Variants in TTC21A observed in about 807,000 individuals in gnomAD.
TTC21A encodes tetratricopeptide repeat protein 21A.
In TTC21A, 128 loss-of-function variants were observed where a neutral mutation model predicts 156.4. The ratio of observed to expected loss-of-function variants is 0.82; its 90% CI spans 0.71 to 0.95. TTC21A has a LOEUF of 0.95. TTC21A is among the 40% of genes least tolerant of loss of function. The pLI, the probability that TTC21A is intolerant of heterozygous loss-of-function variation, is 0.00. For synonymous variants in TTC21A, 587 were observed against 617.1 expected, an observed-to-expected ratio of 0.95 and a Z score of 0.72; for missense variants, 1,435 against 1,602.3, an observed-to-expected ratio of 0.90 and a Z score of 1.78.
chr3:39,107,922 A>C (rs894702341), intron 1 of TTC21A, 58 bp downstream of exon 1: 7 of 1,601,124 alleles, frequency 4.4e-6, no homozygotes, highest in Non-Finnish European at 6.0e-6. Context: ...CCTGACCCAG[A>C]GACCGTCTGC....
intron 12 of TTC21A, among the ~76,000 whole-genome samples, chr3:39,127,028 C>T (rs1361177209): frequency 6.6e-6 from 1 of 152,144 alleles, no homozygotes; most frequent in Non-Finnish European, 1.5e-5. Context: ...CCAGAAAGAA[C>T]TTGTGGAGAA....
rs758705187 is a variant in TTC21A at position 39,130,694 on chromosome 3, C to T, written c.2320-7C>T. On this transcript the variant is annotated splice_polypyrimidine_tract_variant and splice_region_variant and intron_variant, in intron 17 of 28. Coordinates refer to ENST00000683103, the MANE Select transcript of TTC21A (RefSeq NM_001366900.1). This position sits in a 1 kb window ranked among gnomAD's most constrained non-coding sequence, Gnocchi z 4.5. ...GCCAGAGGCTAATATTTACTGTTTGCACTAAGGCAATTGAGTATTATGAGG... is the reference window on the plus strand; with the variant it reads ...GCCAGAGGCTAATATTTACTGTTTGTACTAAGGCAATTGAGTATTATGAGG... 3 of 1,614,026 alleles carry T rather than the reference C, an allele frequency of 1.9e-6. No homozygotes were observed. Among genetic ancestry groups the T allele is most frequent in the Non-Finnish European group, 2.5e-6 (3 of 1,179,966 alleles).
intron 5 of TTC21A, among the ~76,000 whole-genome samples, 184 bp from the exon 6 acceptor site, chr3:39,114,401 C>A (rs977423763): frequency 6.6e-6 from 1 of 152,164 alleles, no homozygotes; most frequent in East Asian, 1.9e-4. Flanking sequence ...CTGTTGTAAA[C>A]CTGGATATGT....
chr3:39,111,126 A>C, intron 4 of TTC21A, 109 bp downstream of exon 4: 1 of 1,249,000 alleles, frequency 8.0e-7, no homozygotes, highest in Non-Finnish European at 1.1e-6. Context: ...GGAGAGCCAC[A>C]CCCAGGCACT....
Position 39,109,223 on chromosome 3 carries a change from T to C in TTC21A, c.157+9T>C. 1 of 1,609,346 alleles carries C rather than the reference T, an allele frequency of 6.2e-7. No individual in the cohort carries two copies. Among genetic ancestry groups the C allele is most frequent in the Non-Finnish European group, 8.5e-7 (1 of 1,176,000 alleles). On this transcript the variant is annotated intron_variant, in intron 2 of 28. Transcript: ENST00000683103. Reference sequence around the variant, plus strand: ...TGGAGTCCTCAAAGAAGGTAAGGACTTGGCAGTGTTGGTCTTGTGACCCCA... The same window carrying C: ...TGGAGTCCTCAAAGAAGGTAAGGACCTGGCAGTGTTGGTCTTGTGACCCCA...
chr3:39,113,297 C>T (rs1431542119), intron 5 of TTC21A, among the ~76,000 whole-genome samples: 2 of 152,182 alleles, frequency 1.3e-5, no homozygotes, highest in African/African-American at 2.4e-5. Flanking sequence ...TTCTGGCTGG[C>T]AGAAAGCAAT....
Position 39,107,774 on chromosome 3 carries a change from G to C in TTC21A, c.-64G>C, listed in dbSNP as rs924164900. 1.9e-6 allele frequency: 3 copies of C among 1,608,278 alleles called. No individual in the cohort carries two copies. Among genetic ancestry groups the C allele is most frequent in the Admixed American group, 1.7e-5 (1 of 59,996 alleles). ...GCCGCGATAGAGTGCCCACGACCCTGCCTCGGGAATCCCGCTCTGCACCGC... is the reference window on the plus strand; with the variant it reads ...GCCGCGATAGAGTGCCCACGACCCTCCCTCGGGAATCCCGCTCTGCACCGC... On this transcript the variant is annotated 5_prime_UTR_variant, in exon 1 of 29. Transcript: ENST00000683103.
chr3:39,111,543 T>A (rs1294023874), intron 4 of TTC21A, among the ~76,000 whole-genome samples: 1 of 152,198 alleles, frequency 6.6e-6, no homozygotes, highest in Non-Finnish European at 1.5e-5. Flanking sequence ...GCCCATATAC[T>A]GTATATCTGC....
chr3:39,130,894 C>G lies in TTC21A; in HGVS notation c.2458+55C>G, dbSNP rs1450156567. 11 of 1,610,498 alleles carry G rather than the reference C, an allele frequency of 6.8e-6. No homozygotes were observed. The highest frequency in any genetic ancestry group is 1.3e-5 in the African/African-American group (1 of 74,984). The stretch of plus-strand genomic sequence containing the variant: ...ATTTGGAGCAGACATACTCCTCCCC[C>G]ATTCCCCATTAGCTGAAGTCCTGAT... On this transcript the variant is annotated intron_variant, in intron 18 of 28. Transcript: ENST00000683103. The surrounding 1 kb of genome is among the most constrained non-coding windows in gnomAD (Gnocchi z 4.5).
At chr3:39,122,329 A>G (rs934454317) in intron 9 of TTC21A, among the ~76,000 whole-genome samples, 5 of 152,244 alleles carry the variant, frequency 3.3e-5, no homozygotes, top group East Asian at 3.9e-4. Context: ...AAAGAAAAAA[A>G]AAAAAAAGAG....
chr3:39,126,371 T>G lies in TTC21A; in HGVS notation c.1503T>G (p.Ala501=), dbSNP rs1307795936. 2.5e-6 allele frequency: 4 copies of G among 1,614,002 alleles called. No homozygotes were observed. In the South Asian group the frequency reaches 4.4e-5, roughly 18 times the overall value. ...PALIDPLYLM[A]QVRYYSGELE... ...TGATCGACCCCCTGTATTTGATGGC[T>G]CAGGTCAGGTATTACTCAGGTGAGC... The change falls in exon 12 of 29, where the codon GCT becomes GCG. Residue 501 remains alanine (A), a synonymous_variant. Coordinates refer to ENST00000683103, the MANE Select transcript of TTC21A (RefSeq NM_001366900.1).
Position 39,128,714 on chromosome 3 carries a change from T to G in TTC21A, c.1681-3T>G, listed in dbSNP as rs765499527. On this transcript the variant is annotated splice_region_variant and splice_polypyrimidine_tract_variant and intron_variant, in intron 13 of 28. Coordinates refer to ENST00000683103, the MANE Select transcript of TTC21A (RefSeq NM_001366900.1). ...GCCCCACACTCTGCTGTGCTCCTCCTAGGTCCGAGATCACCCCCTCTACCA... is the reference window on the plus strand; with the variant it reads ...GCCCCACACTCTGCTGTGCTCCTCCGAGGTCCGAGATCACCCCCTCTACCA... 9.3e-6 allele frequency: 15 copies of G among 1,613,716 alleles called. No individual in the cohort carries two copies. Among genetic ancestry groups the G allele is most frequent in the Non-Finnish European group, 1.3e-5 (15 of 1,179,900 alleles).
chr3:39,136,091 T>A, intron 22 of TTC21A: 1 of 254,604 alleles, frequency 3.9e-6, no homozygotes, highest in Non-Finnish European at 7.5e-6. Context: ...ACCTACCTAA[T>A]CTTGCAGTTA....
Position 39,130,668 on chromosome 3 carries a change from G to A in TTC21A, c.2320-33G>A, listed in dbSNP as rs1436101609. On this transcript the variant is annotated intron_variant, in intron 17 of 28. Transcript: ENST00000683103. The surrounding 1 kb of genome is among the most constrained non-coding windows in gnomAD (Gnocchi z 4.5). ...TGTCGGGCACTGAAGGGCAGAACCA[G>A]GCCAGAGGCTAATATTTACTGTTTG... 10 of 1,611,926 alleles carry A rather than the reference G, an allele frequency of 6.2e-6. No individual in the cohort carries two copies. The highest frequency in any genetic ancestry group is 8.5e-6 in the Non-Finnish European group (10 of 1,178,418).
In TTC21A at chr3:39,128,028, G is replaced by C. The variant is rs571659368; in HGVS notation, c.1523-303G>C. On this transcript the variant is annotated intron_variant, in intron 12 of 28. Coordinates refer to ENST00000683103, the MANE Select transcript of TTC21A (RefSeq NM_001366900.1). Reference sequence around the variant, plus strand: ...TTAGGTGTGGGAATTGAGACTTAATGTGTTCCCCTGAGCTTCTGGATGGAG... The same window carrying C: ...TTAGGTGTGGGAATTGAGACTTAATCTGTTCCCCTGAGCTTCTGGATGGAG... 2.6e-5 allele frequency among the ~76,000 whole-genome samples: 4 copies of C among 152,326 alleles called. No homozygotes were observed. The South Asian group carries it at 8.3e-4, about 32-fold the overall frequency.
chr3:39,136,640 C>T (rs890478053), intron 23 of TTC21A, 133 bp downstream of exon 23: 3 of 1,208,096 alleles, frequency 2.5e-6, no homozygotes, highest in Non-Finnish European at 3.4e-6. Context: ...AAGTGAGGGC[C>T]CATGGGGGCA....
At chr3:39,138,114 G>C (rs975612021) in intron 26 of TTC21A, 153 bp from the exon 27 acceptor site, 3 of 1,133,134 alleles carry the variant, frequency 2.6e-6, no homozygotes, top group Non-Finnish European at 3.7e-6. Context: ...TCTTGCAAAG[G>C]TTGGGGTACC....
In TTC21A at chr3:39,110,837, T is replaced by C; in HGVS notation, c.269-14T>C. ...ATCCTAACTCTCCCTCTTCCTTCGC[T>C]CTTGGATTTACAGACCGAGAAGCAA... On this transcript the variant is annotated splice_polypyrimidine_tract_variant and intron_variant, in intron 3 of 28. Transcript: ENST00000683103. 2 of 1,613,490 alleles carry C rather than the reference T, an allele frequency of 1.2e-6. No individual in the cohort carries two copies. Among genetic ancestry groups the C allele is most frequent in the South Asian group, 1.1e-5 (1 of 91,028 alleles).
intron 24 of TTC21A, 49 bp from the exon 25 acceptor site, chr3:39,137,146 A>G (rs1177838238): frequency 6.3e-7 from 1 of 1,599,356 alleles, no homozygotes. Flanking sequence ...TGAGGGCCAC[A>G]CGGGCAGGCC....
Sources: gnomAD v4.1 joint callset for allele counts (sites outside exome capture counted in the v4.1 genomes callset) on GRCh38, gnomAD v4.1.1 for gene constraint, Gnocchi (gnomAD v3.1) non-coding constraint, MANE v1.5 for transcripts, NCBI Gene and HGNC (gene_info 2026-07-23, HGNC 2026-07-21) for gene names.